BRF1: variants seen among roughly 807,000 people sequenced by gnomAD.
BRF1 encodes transcription factor IIIB 90 kDa subunit.
BRF1 carries 59 observed loss-of-function variants against 81.7 expected under a neutral mutation model. That is an observed-to-expected ratio of 0.72 (90% CI 0.59 to 0.90). The LOEUF is 0.90. BRF1 is among the 40% of genes least tolerant of loss of function. The probability of loss-of-function intolerance (pLI) is 0.00; values close to 1 mark genes in which losing one functional copy is unlikely to be tolerated. For synonymous variants in BRF1, 491 were observed against 395.6 expected (o/e 1.24, Z -2.86); for missense variants, 1,050 against 936.3 (o/e 1.12, Z -1.58).
chr14:105,278,958 C>T (rs2056958851), intron 2 of BRF1, among the ~76,000 whole-genome samples: 1 of 152,004 alleles, frequency 6.6e-6, no homozygotes, highest in African/African-American at 2.4e-5. Flanking sequence ...GCAGGAGAAT[C>T]GCTTGCACCC....
intron 2 of BRF1, among the ~76,000 whole-genome samples, chr14:105,278,435 C>CAAAA (rs368178497): frequency 6.4e-5 from 7 of 108,542 alleles, no homozygotes; most frequent in African/African-American, 1.4e-4. Flanking sequence ...ACCCTGTCTC[C>CAAAA]AAAAAAAAAA....
In BRF1 at chr14:105,241,323, C is replaced by T. The variant is rs748237948; in HGVS notation, c.636G>A (p.Gln212=). 1.9e-6 allele frequency: 3 copies of T among 1,612,660 alleles called. No homozygotes were observed. The highest frequency in any genetic ancestry group is 1.6e-4 in the Middle Eastern group (1 of 6,076). The change falls in exon 6 of 18, where the codon CAG becomes CAA. Residue 212 remains glutamine, a synonymous_variant. Coordinates refer to ENST00000547530, the MANE Select transcript of BRF1 (RefSeq NM_001519.4). Reference sequence around the variant, plus strand: ...TGTGCATCCAGTCCCGCTTCATCCTCTGTAGGAGCCTCAGGGCAGTCATGG... The same window carrying T: ...TGTGCATCCAGTCCCGCTTCATCCTTTGTAGGAGCCTCAGGGCAGTCATGG... The part of the protein sequence containing the change: ...EVSMTALRLL[Q]RMKRDWMHTG...
intron 10 of BRF1, among the ~76,000 whole-genome samples, chr14:105,223,764 C>T (rs976687961): frequency 6.6e-6 from 1 of 152,136 alleles, no homozygotes; most frequent in African/African-American, 2.4e-5. Flanking sequence ...TCAAAGGGCA[C>T]ATTTTAAATA....
chr14:105,249,769 C>G, intron 5 of BRF1: 1 of 1,613,872 alleles, frequency 6.2e-7, no homozygotes, highest in African/African-American at 1.3e-5. Flanking sequence ...GTTTGGAAGC[C>G]AAGAACGCCT....
intron 4 of BRF1, 49 bp downstream of exon 4, chr14:105,256,469 C>T: frequency 6.2e-7 from 1 of 1,613,878 alleles, no homozygotes; most frequent in Non-Finnish European, 8.5e-7. Flanking sequence ...GTCACAACCC[C>T]CAGGTCACAA....
At chr14:105,217,880 G>C in intron 14 of BRF1, 80 bp from the exon 15 acceptor site, 1 of 1,562,498 alleles carries the variant, frequency 6.4e-7, no homozygotes, top group Non-Finnish European at 8.7e-7. Flanking sequence ...GTGAGGCCAG[G>C]AGTGCAGGCG....
At chr14:105,213,986 G>A (rs1442709769) in intron 15 of BRF1, among the ~76,000 whole-genome samples, 4 of 152,216 alleles carry the variant, frequency 2.6e-5, no homozygotes, top group Non-Finnish European at 5.9e-5. Flanking sequence ...GCATCACCTC[G>A]GCCATGGCTT....
Position 105,217,665 on chromosome 14 carries a change from C to A in BRF1, c.1651G>T (p.Gly551Trp). The A allele has an allele frequency of 6.2e-7, 1 of 1,613,374 alleles. No homozygotes were observed. The highest frequency in any genetic ancestry group is 8.5e-7 in the Non-Finnish European group (1 of 1,180,026). ...SVLRGLSSAG[G>W]GSPHREDAQP... is the part of the protein sequence containing the mutation. ...GCATCCTCCCTGTGCGGACTGCCCC[C>A]GCCGGCGCTGCTGAGGCCCCGGAGC... is the stretch of plus-strand genomic sequence containing the variant. Residue 551 changes from glycine (G) to tryptophan (W), a missense_variant, in exon 15 of 18, where the codon GGG (glycine) becomes TGG (tryptophan). Around this residue, in one of 2 missense-constraint regions of BRF1, gnomAD observed 1,043 missense variants for 915.4 expected, o/e 1.14. Coordinates refer to ENST00000547530, the MANE Select transcript of BRF1 (RefSeq NM_001519.4).
Position 105,249,340 on chromosome 14 carries a change from G to A in BRF1, c.544+3167C>T, listed in dbSNP as rs773606708. 4.1e-5 allele frequency: 66 copies of A among 1,605,146 alleles called. No individual in the cohort carries two copies. In the Admixed American group the frequency reaches 4.7e-4, roughly 12 times the overall value. ...AGCCTGCGGGAGAGCCAGGCTCACG[G>A]CGGCGCTTTCTCCTCCCAGTACGTC... On this transcript the variant is annotated intron_variant, in intron 5 of 17. Coordinates refer to ENST00000547530, the MANE Select transcript of BRF1 (RefSeq NM_001519.4).
At chr14:105,306,638 C>T (rs889530424) in intron 1 of BRF1, among the ~76,000 whole-genome samples, 1 of 151,858 alleles carries the variant, frequency 6.6e-6, no homozygotes, top group East Asian at 1.9e-4. Context: ...CTGAGTCTCG[C>T]TGTGTCGCCC....
Position 105,211,257 on chromosome 14 carries a change from G to C in BRF1, c.1861C>G (p.Pro621Ala). The change falls in exon 17 of 18, where the codon CCT (proline) becomes GCT (alanine). Residue 621 changes from proline (P) to alanine (A), a missense_variant. Coordinates refer to ENST00000547530, the MANE Select transcript of BRF1 (RefSeq NM_001519.4). ...ACCAGCACCGCCTGGGGCCTGGCAGGCTCAGCTCCGAGGGTGGGAGAGCTT... is the reference window on the plus strand; with the variant it reads ...ACCAGCACCGCCTGGGGCCTGGCAGCCTCAGCTCCGAGGGTGGGAGAGCTT... ...LPSSPTLGAE[P>A]ARPQAVLVES... is the part of the protein sequence containing the mutation. The C allele has an allele frequency of 3.1e-6, 5 of 1,607,556 alleles. No homozygotes were observed. Among genetic ancestry groups the C allele is most frequent in the Non-Finnish European group, 4.2e-6 (5 of 1,177,340 alleles).
chr14:105,292,341 G>A (rs587727164), intron 1 of BRF1, among the ~76,000 whole-genome samples: 1 of 152,130 alleles, frequency 6.6e-6, no homozygotes, highest in South Asian at 2.1e-4. Flanking sequence ...CCACCACCAT[G>A]CCCAGCTAAT....
At chr14:105,246,868 C>T (rs894497497) in intron 5 of BRF1, 1 of 985,398 alleles carries the variant, frequency 1.0e-6, no homozygotes, top group African/African-American at 1.7e-5. Flanking sequence ...CTGACTACCT[C>T]TGGCGGCTCA....
chr14:105,219,273 G>C (rs751620065), intron 12 of BRF1, 41 bp from the exon 13 acceptor site: 1 of 1,602,802 alleles, frequency 6.2e-7, no homozygotes, highest in Non-Finnish European at 8.5e-7. Flanking sequence ...TTTAGCCTTC[G>C]CACACCGGGG....
rs2058523544 is a variant in BRF1, at chr14:105,315,205, T to G, written c.-162+117A>C. 4.0e-6 allele frequency: 1 copy of G among 249,838 alleles called. No homozygotes were observed. The highest frequency in any genetic ancestry group is 6.5e-6 in the Non-Finnish European group (1 of 152,828). 15.5% of individuals were successfully genotyped at this position (249,838 alleles called of 1,614,324 possible). ...CGTGCAGCCGCCGCCCCCCCGCAGC[T>G]CCGGCAAGCGCGGCCCCAGCCCCCC... On this transcript the variant is annotated intron_variant, in intron 1 of 17. Transcript: ENST00000327359. This position sits in a 1 kb window ranked among gnomAD's most constrained non-coding sequence, Gnocchi z 4.4.
At chr14:105,241,224 A>T (rs368935207) in intron 6 of BRF1, 41 bp downstream of exon 6, 36 of 1,602,778 alleles carry the variant, frequency 2.2e-5, no homozygotes, top group Non-Finnish European at 2.9e-5. Flanking sequence ...TGAGGCCAGG[A>T]CCCAGACCAG....
chr14:105,250,855 C>T (rs1788219672), intron 5 of BRF1: 1 of 672,182 alleles, frequency 1.5e-6, no homozygotes, highest in Non-Finnish European at 2.6e-6. Context: ...GAGTCTTAGG[C>T]ATCTCTGGTA....
At position 105,211,307 on chromosome 14, in the gene BRF1, G is replaced by C; in HGVS notation, c.1825-14C>G. The C allele has an allele frequency of 6.3e-7, 1 of 1,579,718 alleles. No individual in the cohort carries two copies. The highest frequency in any genetic ancestry group is 1.3e-5 in the African/African-American group (1 of 74,496). On this transcript the variant is annotated splice_polypyrimidine_tract_variant and intron_variant, in intron 16 of 17. Transcript: ENST00000547530. ...TGGGAGCAAAGCCTGGAACGAAGTG[G>C]GGCTCTGACACACACAGAGCTGGGA...
intron 1 of BRF1, among the ~76,000 whole-genome samples, chr14:105,306,406 C>T (rs934039211): frequency 2.0e-5 from 3 of 152,120 alleles, no homozygotes; most frequent in Non-Finnish European, 4.4e-5. Flanking sequence ...CAGGTTCAAG[C>T]GATTCTCCTG....
Sources: allele counts gnomAD v4.1 joint callset (sites outside exome capture counted in the v4.1 genomes callset), GRCh38; gene constraint gnomAD v4.1.1; regional missense constraint gnomAD v4.1.1; non-coding constraint Gnocchi (gnomAD v3.1); transcripts MANE v1.5; gene names NCBI Gene and HGNC (gene_info 2026-07-23, HGNC 2026-07-21).